The following PALM2AKAP2 variants were observed in gnomAD, a reference collection of about 807,000 sequenced individuals.
PALM2AKAP2 encodes PALM2 and AKAP2 fusion, also known as PALM2-AKAP2 fusion protein.
In PALM2AKAP2, 37 loss-of-function variants were observed where a neutral mutation model predicts 71.5. The observed-to-expected ratio is 0.52, with a 90% CI of 0.40 to 0.68. The LOEUF (loss-of-function observed/expected upper bound fraction) is 0.68, where lower values mean the gene tolerates loss of function less well. Ranked by LOEUF, PALM2AKAP2 falls within the 30% of genes least tolerant of loss-of-function variation. The pLI, the probability that PALM2AKAP2 is intolerant of heterozygous loss-of-function variation, is 0.00. For missense variants in PALM2AKAP2, 1,224 were observed against 1,191.8 expected, an observed-to-expected ratio of 1.03 and a Z score of -0.40; for synonymous variants, 468 against 478.8, an observed-to-expected ratio of 0.98 and a Z score of 0.29.
chr9:110,112,387 A>G (rs573537411), intron 1 of PALM2AKAP2, among the ~76,000 whole-genome samples: 201 of 152,240 alleles, frequency 1.3e-3, no homozygotes, highest in African/African-American at 4.7e-3. Context: ...TTAAGCTCTG[A>G]GCTTCAATGT....
chr9:109,896,801 G>C (rs990605339), intron 3 of PALM2AKAP2, among the ~76,000 whole-genome samples: 1 of 152,008 alleles, frequency 6.6e-6, no homozygotes, highest in Admixed American at 6.6e-5. Context: ...ACAGAGCGAG[G>C]CCCTGTCTCC....
chr9:110,098,101 G>T (rs1303058554), intron 1 of PALM2AKAP2, among the ~76,000 whole-genome samples: 1 of 139,924 alleles, frequency 7.1e-6, no homozygotes, highest in Admixed American at 7.0e-5. Flanking sequence ...AGTGAGCCGA[G>T]ATGGCAGCAG....
At chr9:109,839,620 TG>T (rs1170575417) in intron 1 of PALM2AKAP2, among the ~76,000 whole-genome samples, 2 of 152,172 alleles carry the variant, frequency 1.3e-5, no homozygotes, top group Non-Finnish European at 2.9e-5. Context: ...ATGACATGAT[TG>T]TACATTTAGA....
At chr9:109,889,312 T>C (rs1439771298) in intron 3 of PALM2AKAP2, among the ~76,000 whole-genome samples, 1 of 152,228 alleles carries the variant, frequency 6.6e-6, no homozygotes, top group Non-Finnish European at 1.5e-5. Flanking sequence ...ACTGACATGT[T>C]ATGCGGATCA....
At chr9:109,808,659 G>T (rs766468763) in intron 1 of PALM2AKAP2, among the ~76,000 whole-genome samples, 1 of 152,242 alleles carries the variant, frequency 6.6e-6, no homozygotes, top group Non-Finnish European at 1.5e-5. Flanking sequence ...GCCAGCTGCA[G>T]AAATTTGCAT....
At chr9:109,824,132 TC>T (rs1828082508) in intron 1 of PALM2AKAP2, among the ~76,000 whole-genome samples, 1 of 152,120 alleles carries the variant, frequency 6.6e-6, no homozygotes, top group Admixed American at 6.5e-5. Flanking sequence ...CAAGTGATCC[TC>T]CCATCTCTGC....
chr9:110,147,183 G>A (rs566393845), intron 2 of PALM2AKAP2, among the ~76,000 whole-genome samples: 37 of 151,658 alleles, frequency 2.4e-4, no homozygotes, highest in Admixed American at 2.1e-3. Flanking sequence ...CCTGGGAGGC[G>A]GAGGTTGTAG....
chr9:109,640,932 G>T, intron 1 of PALM2AKAP2: 2 of 1,469,380 alleles, frequency 1.4e-6, no homozygotes, highest in East Asian at 2.8e-5. Flanking sequence ...TGACCGCGGC[G>T]GCAGGCAGAT....
chr9:109,765,459 CATGATCATGATCATG>C (rs1314752012), intron 1 of PALM2AKAP2: 2 of 121,094 alleles, frequency 1.7e-5, no homozygotes, highest in African/African-American at 5.7e-5. Flanking sequence ...TCACCATCAT[CATGATCATGATCATG>C]ATCATCATCA....
chr9:109,882,562 A>G (rs1440811606), intron 3 of PALM2AKAP2, among the ~76,000 whole-genome samples: 1 of 152,170 alleles, frequency 6.6e-6, no homozygotes, highest in Non-Finnish European at 1.5e-5. Context: ...GAGAGAGAGT[A>G]GGTGTTATTA....
chr9:109,680,180 C>A (rs1317499554), intron 1 of PALM2AKAP2, among the ~76,000 whole-genome samples: 1 of 152,174 alleles, frequency 6.6e-6, no homozygotes, highest in Admixed American at 6.5e-5. Flanking sequence ...TTCTTCCCAC[C>A]TAGGATATAT....
intron 6 of PALM2AKAP2, among the ~76,000 whole-genome samples, chr9:110,014,806 GTATATATATATATATATATA>G (rs34408706): frequency 0.097 from 4,046 of 41,542 alleles, 274 homozygotes; most frequent in Middle Eastern, 0.16. Context: ...AAAAAAAAAT[GTATATATATATATATATATA>G]TATATATATA....
At chr9:109,710,276 C>T (rs577755536) in intron 1 of PALM2AKAP2, among the ~76,000 whole-genome samples, 2 of 152,232 alleles carry the variant, frequency 1.3e-5, no homozygotes, top group Non-Finnish European at 2.9e-5. Context: ...GAAAGTAATG[C>T]ACAGCCCCAG....
chr9:109,809,035 G>A (rs1029952076), intron 1 of PALM2AKAP2, among the ~76,000 whole-genome samples: 1 of 152,252 alleles, frequency 6.6e-6, no homozygotes, highest in African/African-American at 2.4e-5. Context: ...GGATGTGCAG[G>A]TAGAGGTGTG....
intron 1 of PALM2AKAP2, among the ~76,000 whole-genome samples, chr9:109,766,218 T>C (rs889224688): frequency 1.3e-5 from 2 of 152,334 alleles, no homozygotes; most frequent in African/African-American, 4.8e-5. Flanking sequence ...GGGCCACTTG[T>C]GTAGGTCAAA....
intron 1 of PALM2AKAP2, among the ~76,000 whole-genome samples, chr9:110,127,435 A>T (rs1239909353): frequency 6.6e-6 from 1 of 152,036 alleles, no homozygotes; most frequent in Non-Finnish European, 1.5e-5. Context: ...CCAGTTTCCC[A>T]CAATCAACAC....
At chr9:109,857,258 C>A (rs143588796) in intron 1 of PALM2AKAP2, among the ~76,000 whole-genome samples, 68 of 152,334 alleles carry the variant, frequency 4.5e-4, no homozygotes, top group African/African-American at 1.6e-3. Context: ...CAACTGCTGC[C>A]TCATCTGCAG....
chr9:110,001,921 T>G (rs907282705), intron 6 of PALM2AKAP2, among the ~76,000 whole-genome samples: 13 of 152,156 alleles, frequency 8.5e-5, no homozygotes, highest in African/African-American at 1.2e-4. Flanking sequence ...TGGGCTGAGA[T>G]GATGGGGTTT....
intron 2 of PALM2AKAP2, among the ~76,000 whole-genome samples, chr9:109,871,424 T>C (rs1218302339): frequency 1.3e-5 from 2 of 152,196 alleles, no homozygotes; most frequent in African/African-American, 4.8e-5. Flanking sequence ...TGTAATAATT[T>C]CTAAGCATTA....
Sources: allele counts gnomAD v4.1 joint callset (sites outside exome capture counted in the v4.1 genomes callset), GRCh38; gene constraint gnomAD v4.1.1; transcripts MANE v1.5; gene names NCBI Gene and HGNC (gene_info 2026-07-23, HGNC 2026-07-21).